The following HAPLN1 variants were observed in gnomAD, a reference collection of about 807,000 sequenced individuals.
HAPLN1 encodes the protein Cartilage link protein.
Under a neutral mutation model 36.5 loss-of-function variants are expected in HAPLN1, and 13 were observed. That is an observed-to-expected ratio of 0.36 (90% confidence interval 0.23 to 0.57). The LOEUF (loss-of-function observed/expected upper bound fraction) is 0.57. HAPLN1 is among the 20% of genes least tolerant of loss of function. The pLI is 0.83. For missense variants in HAPLN1, 407 were observed against 439.7 expected (o/e 0.93, Z 0.66); for synonymous variants, 202 against 169.8 (o/e 1.19, Z -1.48).
intron 1 of HAPLN1, among the ~76,000 whole-genome samples, chr5:83,710,332 A>G (rs528937859): frequency 6.6e-6 from 1 of 152,348 alleles, no homozygotes; most frequent in South Asian, 2.1e-4. Context: ...CCTGAAATCT[A>G]GGAAAGAATG....
Position 83,641,453 on chromosome 5 carries a change from A to G in HAPLN1, c.*43T>C. Reference sequence around the variant, plus strand: ...ATTGGAAAAAAAAAACACCTTTCACATGTTCTTAATGACTTTAAAACTGAT... The same window carrying G: ...ATTGGAAAAAAAAAACACCTTTCACGTGTTCTTAATGACTTTAAAACTGAT... On this transcript the variant is annotated 3_prime_UTR_variant, in exon 5 of 5. Coordinates refer to ENST00000274341, the MANE Select transcript of HAPLN1 (RefSeq NM_001884.4). 4 of 1,512,586 alleles carry G rather than the reference A, an allele frequency of 2.6e-6. No homozygotes were observed. The highest frequency in any genetic ancestry group is 2.8e-5 in the African/African-American group (2 of 71,562). The allele number at this position is 1,512,586 out of a possible 1,614,324, so 93.7% of individuals were successfully genotyped here.
intron 4 of HAPLN1, among the ~76,000 whole-genome samples, chr5:83,643,353 T>TA (rs79459806): frequency 0.022 from 2,431 of 111,766 alleles, 36 homozygotes; most frequent in African/African-American, 0.047. Context: ...TACCCTGTCT[T>TA]AAAAAAAAAA....
chr5:83,720,752 A>C (rs1373942310), intron 1 of HAPLN1, 37 bp downstream of exon 1: 1 of 152,260 alleles, frequency 6.6e-6, no homozygotes, highest in Non-Finnish European at 1.5e-5. Flanking sequence ...GCACAAAGGT[A>C]TAACCAAAAG....
intron 1 of HAPLN1, among the ~76,000 whole-genome samples, chr5:83,704,305 A>T (rs1438500824): frequency 6.6e-6 from 1 of 152,182 alleles, no homozygotes; most frequent in African/African-American, 2.4e-5. Context: ...ACAAAAGCAC[A>T]CTTAAATATA....
chr5:83,687,056 A>C (rs1381317718), intron 1 of HAPLN1, among the ~76,000 whole-genome samples: 2 of 152,218 alleles, frequency 1.3e-5, no homozygotes, highest in African/African-American at 4.8e-5. Flanking sequence ...ATGCACTCAA[A>C]AATTACGAAA....
intron 2 of HAPLN1, among the ~76,000 whole-genome samples, chr5:83,661,537 C>T (rs1019651386): frequency 2.0e-5 from 3 of 149,320 alleles, no homozygotes; most frequent in African/African-American, 7.4e-5. Flanking sequence ...CTCTGCCTCC[C>T]GGGTTCACGC....
chr5:83,685,948 A>C (rs1751109774), intron 1 of HAPLN1: 1 of 152,140 alleles, frequency 6.6e-6, no homozygotes. Flanking sequence ...GCATATGACT[A>C]TCTATACTTT....
At chr5:83,715,511 G>A (rs892949383) in intron 1 of HAPLN1, among the ~76,000 whole-genome samples, 6 of 152,198 alleles carry the variant, frequency 3.9e-5, no homozygotes, top group African/African-American at 1.4e-4. Flanking sequence ...CCACTGGTTT[G>A]TGAACTCCTT....
In HAPLN1 at chr5:83,673,467, T is replaced by C; in HGVS notation, c.57A>G (p.Ser19=). Reference sequence around the variant, plus strand: ...TGTCATGATCCAGAGTATAGTTGTCTGAAAGATGATCAGCCCAGCAGATTG... The same window carrying C: ...TGTCATGATCCAGAGTATAGTTGTCCGAAAGATGATCAGCCCAGCAGATTG... ...LISICWADHL[S]DNYTLDHDRA... The change falls in exon 2 of 5, where the codon TCA becomes TCG. Residue 19 remains serine (S), a synonymous_variant. Transcript: ENST00000274341. The C allele has an allele frequency of 6.2e-7, 1 of 1,613,708 alleles. No individual in the cohort carries two copies.
At chr5:83,719,795 T>C (rs1751983286) in intron 1 of HAPLN1, among the ~76,000 whole-genome samples, 1 of 152,216 alleles carries the variant, frequency 6.6e-6, no homozygotes, top group Non-Finnish European at 1.5e-5. Flanking sequence ...ACAATTGTAA[T>C]GAATAAATAT....
At chr5:83,687,264 C>T (rs1751149520) in intron 1 of HAPLN1, among the ~76,000 whole-genome samples, 1 of 152,140 alleles carries the variant, frequency 6.6e-6, no homozygotes, top group African/African-American at 2.4e-5. Flanking sequence ...GAAACATCTG[C>T]CGTTCCTCTC....
At chr5:83,645,741 ATT>A (rs1028452550) in intron 3 of HAPLN1, among the ~76,000 whole-genome samples, 2 of 151,528 alleles carry the variant, frequency 1.3e-5, no homozygotes, top group Non-Finnish European at 2.9e-5. Flanking sequence ...CCTTAATCTT[ATT>A]TTTTTTCCCT....
At chr5:83,663,981 AT>A (rs1414023549) in intron 2 of HAPLN1, among the ~76,000 whole-genome samples, 1 of 152,034 alleles carries the variant, frequency 6.6e-6, no homozygotes, top group Non-Finnish European at 1.5e-5. Flanking sequence ...TGTAAATCAC[AT>A]TATGTCACCC....
Position 83,658,290 on chromosome 5 carries a change from T to C in HAPLN1, c.101-5466A>G, listed in dbSNP as rs74666596. ...ATGGATTTGTGTCCATCACTGTGCT[T>C]ACCATGGTCTATTGCAAACAATCAC... On this transcript the variant is annotated intron_variant, in intron 2 of 4. Transcript: ENST00000274341. 2.2e-3 allele frequency among the ~76,000 whole-genome samples: 342 copies of C among 152,328 alleles called. 7 individuals are homozygous for C. The East Asian group carries it at 0.055, about 25-fold the overall frequency.
At chr5:83,698,454 A>T (rs1288296042) in intron 1 of HAPLN1, among the ~76,000 whole-genome samples, 1 of 152,168 alleles carries the variant, frequency 6.6e-6, no homozygotes, top group African/African-American at 2.4e-5. Flanking sequence ...ATGTTAAAAA[A>T]TTTCCCTGTA....
At chr5:83,667,130 T>C (rs1354853347) in intron 2 of HAPLN1, among the ~76,000 whole-genome samples, 1 of 152,220 alleles carries the variant, frequency 6.6e-6, no homozygotes, top group Non-Finnish European at 1.5e-5. Context: ...AACACATTTG[T>C]TGAATAAATA....
At chr5:83,673,710 AC>A in intron 1 of HAPLN1, 161 bp from the exon 2 acceptor site, 2 of 548,398 alleles carry the variant, frequency 3.6e-6, no homozygotes, top group Non-Finnish European at 6.4e-6. Context: ...AGAGCCGAAG[AC>A]GGCAGCTTTG....
At chr5:83,687,101 T>A (rs1302643276) in intron 1 of HAPLN1, among the ~76,000 whole-genome samples, 1 of 152,134 alleles carries the variant, frequency 6.6e-6, no homozygotes, top group East Asian at 1.9e-4. Context: ...GAAGAGCAAG[T>A]GGTATTTATA....
At chr5:83,646,243 T>C (rs973006112) in intron 3 of HAPLN1, among the ~76,000 whole-genome samples, 2 of 152,242 alleles carry the variant, frequency 1.3e-5, no homozygotes, top group African/African-American at 4.8e-5. Context: ...TTTTGAATCA[T>C]TATTCAAGGG....
Sources: gnomAD v4.1 joint callset for allele counts (sites outside exome capture counted in the v4.1 genomes callset) on GRCh38, gnomAD v4.1.1 for gene constraint, MANE v1.5 for transcripts, NCBI Gene and HGNC (gene_info 2026-07-23, HGNC 2026-07-21) for gene names.